SMIM41: variants seen among roughly 807,000 people sequenced by gnomAD.
SMIM41 encodes the protein small integral membrane protein 41.
At chr12:52,088,877 G>C (rs1939936721) in intron 2 of SMIM41, among the ~76,000 whole-genome samples, 1 of 152,014 alleles carries the variant, frequency 6.6e-6, no homozygotes, top group African/African-American at 2.4e-5. Context: ...TCTCACTACT[G>C]TCCCTCACGT....
intron 2 of SMIM41, among the ~76,000 whole-genome samples, chr12:52,088,287 A>C (rs1342694713): frequency 6.6e-6 from 1 of 152,174 alleles, no homozygotes; most frequent in East Asian, 1.9e-4. Flanking sequence ...TGGCCAGGGA[A>C]AGCCTCTCCA....
At chr12:52,099,135 G>A (rs565846987) in intron 2 of SMIM41, among the ~76,000 whole-genome samples, 1 of 151,952 alleles carries the variant, frequency 6.6e-6, no homozygotes, top group Non-Finnish European at 1.5e-5. Flanking sequence ...TACCCCCTGC[G>A]ATATTGGGAG....
intron 2 of SMIM41, among the ~76,000 whole-genome samples, chr12:52,101,358 G>T (rs1940213791): frequency 6.6e-6 from 1 of 152,188 alleles, no homozygotes; most frequent in Non-Finnish European, 1.5e-5. Flanking sequence ...TCGGGAGGCG[G>T]AGGTTGCAGT....
At chr12:52,099,402 C>G (rs1766223529) in intron 2 of SMIM41, among the ~76,000 whole-genome samples, 1 of 151,702 alleles carries the variant, frequency 6.6e-6, no homozygotes, top group African/African-American at 2.4e-5. Context: ...ATATTAGGAA[C>G]AACATCACAG....
chr12:52,100,198 G>T (rs1487275266), intron 2 of SMIM41, among the ~76,000 whole-genome samples: 3 of 151,990 alleles, frequency 2.0e-5, no homozygotes, highest in Non-Finnish European at 2.9e-5. Flanking sequence ...CAGGGGTAGT[G>T]TACATTTCCT....
chr12:52,092,536 A>G (rs917737703), intron 2 of SMIM41: 1 of 152,264 alleles, frequency 6.6e-6, no homozygotes, highest in African/African-American at 2.4e-5. Context: ...AGGCATTCCT[A>G]TGCCAATATT....
At position 52,079,770 on chromosome 12, in the gene SMIM41, G is replaced by C; in HGVS notation, c.-10G>C. The C allele has an allele frequency of 2.5e-6, 1 of 393,234 alleles. No homozygotes were observed. The highest frequency in any genetic ancestry group is 3.6e-5 in the East Asian group (1 of 27,618). 24.4% of individuals were successfully genotyped at this position (393,234 alleles called of 1,614,324 possible). A position where few individuals can be genotyped will look rare whatever the true frequency, so the allele number is the denominator to read the frequency against. ...CGATCCCGCCACATCTGGGCAGCCG[G>C]CGCTGGAGCATGAACGGCTCTCAGG... On this transcript the variant is annotated 5_prime_UTR_variant, in exon 1 of 3. Coordinates refer to ENST00000546390, the MANE Select transcript of SMIM41 (RefSeq NM_001369216.1).
At chr12:52,095,288 C>G (rs1940072322) in intron 2 of SMIM41, among the ~76,000 whole-genome samples, 1 of 151,926 alleles carries the variant, frequency 6.6e-6, no homozygotes, top group African/African-American at 2.4e-5. Flanking sequence ...CCCCTCTCCC[C>G]CACTGGATAT....
At chr12:52,080,758 C>T (rs1011219714) in intron 1 of SMIM41, among the ~76,000 whole-genome samples, 11 of 152,174 alleles carry the variant, frequency 7.2e-5, no homozygotes, top group Non-Finnish European at 1.3e-4. Flanking sequence ...TGGCCTCCCT[C>T]TTGAGACAGG....
chr12:52,094,947 G>GTT (rs532917943), intron 2 of SMIM41: 4,451 of 132,156 alleles, frequency 0.034, 300 homozygotes, highest in African/African-American at 0.12. Context: ...CCTGCCCCCT[G>GTT]TTTTTTTTTT....
intron 2 of SMIM41, among the ~76,000 whole-genome samples, chr12:52,100,727 C>T (rs2120712639): frequency 6.6e-6 from 1 of 151,154 alleles, no homozygotes; most frequent in East Asian, 2.0e-4. Flanking sequence ...CCCACTTCGG[C>T]CCCCCAAAGT....
At chr12:52,084,438 C>T (rs1939864274) in intron 2 of SMIM41, among the ~76,000 whole-genome samples, 1 of 151,850 alleles carries the variant, frequency 6.6e-6, no homozygotes, top group African/African-American at 2.4e-5. Context: ...AACCCCTGCC[C>T]CTGAAGAGCT....
chr12:52,098,737 G>GGT, intron 2 of SMIM41, among the ~76,000 whole-genome samples: 1 of 137,232 alleles, frequency 7.3e-6, no homozygotes, highest in African/African-American at 3.2e-5. Context: ...AATATCACGG[G>GGT]GGGGGGGGTG....
rs2120740604 is a variant in SMIM41 at position 52,107,450 on chromosome 12, T to C, written c.*267T>C. The C allele has an allele frequency of 1.7e-6, 1 of 602,414 alleles. No homozygotes were observed. The highest frequency in any genetic ancestry group is 3.2e-6 in the Non-Finnish European group (1 of 307,782). 37.3% of individuals were successfully genotyped at this position (602,414 alleles called of 1,614,324 possible). A position where few individuals can be genotyped will look rare whatever the true frequency, so the allele number is the denominator to read the frequency against. On this transcript the variant is annotated 3_prime_UTR_variant, in exon 3 of 3. Transcript: ENST00000546390. ...CTGTCCATGTGCCTGGTCATGGTGC[T>C]GGGGAACCTGCTCATCATCCGGCCA... is the stretch of plus-strand genomic sequence containing the variant.
At chr12:52,103,233 AC>A (rs1332667519) in intron 2 of SMIM41, among the ~76,000 whole-genome samples, 1 of 152,100 alleles carries the variant, frequency 6.6e-6, no homozygotes, top group African/African-American at 2.4e-5. Flanking sequence ...AGGCTGAGGC[AC>A]AAGAATCGCT....
At chr12:52,097,116 A>T (rs1940111760) in intron 2 of SMIM41, among the ~76,000 whole-genome samples, 1 of 152,086 alleles carries the variant, frequency 6.6e-6, no homozygotes, top group Non-Finnish European at 1.5e-5. Flanking sequence ...AGAGAAAATG[A>T]CATGACTCAC....
intron 2 of SMIM41, among the ~76,000 whole-genome samples, chr12:52,095,790 G>A (rs1565668746): frequency 6.6e-6 from 1 of 152,052 alleles, no homozygotes; most frequent in Non-Finnish European, 1.5e-5. Context: ...GCACTGTTAA[G>A]AAGAATATTA....
chr12:52,086,495 A>G (rs1275843729), intron 2 of SMIM41, among the ~76,000 whole-genome samples: 1 of 152,158 alleles, frequency 6.6e-6, no homozygotes, highest in Non-Finnish European at 1.5e-5. Context: ...AAATAAAACA[A>G]ACACGCAAAA....
intron 2 of SMIM41, among the ~76,000 whole-genome samples, chr12:52,103,864 C>T (rs1252406755): frequency 3.3e-5 from 5 of 152,182 alleles, no homozygotes; most frequent in African/African-American, 9.6e-5. Flanking sequence ...CAGGGGTGGG[C>T]GAGAGAGAGG....
Sources: gnomAD v4.1 joint callset for allele counts (sites outside exome capture counted in the v4.1 genomes callset) on GRCh38, gnomAD v4.1.1 for gene constraint, MANE v1.5 for transcripts, NCBI Gene and HGNC (gene_info 2026-07-23, HGNC 2026-07-21) for gene names.